Variants in CABCOCO1 observed in about 807,000 individuals in gnomAD.
CABCOCO1 encodes the protein ciliary-associated calcium-binding coiled-coil protein 1.
CABCOCO1 carries 28 observed loss-of-function variants against 35.7 expected under a neutral mutation model. The observed-to-expected ratio is 0.78, with a 90% confidence interval of 0.58 to 1.07. The LOEUF (loss-of-function observed/expected upper bound fraction) is 1.07, where lower values mean the gene tolerates loss of function less well. CABCOCO1 is among the 50% of genes least tolerant of loss of function. CABCOCO1 has a pLI of 0.00. For synonymous variants in CABCOCO1, 95 were observed against 100.1 expected (o/e 0.95, Z 0.30); for missense variants, 326 against 309.2 (o/e 1.05, Z -0.41).
chr10:61,694,709 A>C (rs955288553), intron 5 of CABCOCO1, among the ~76,000 whole-genome samples: 1 of 152,102 alleles, frequency 6.6e-6, no homozygotes, highest in African/African-American at 2.4e-5. Flanking sequence ...AATGCTTTCT[A>C]TCTATGGGCA....
chr10:61,683,587 C>G (rs1839865562), intron 3 of CABCOCO1, among the ~76,000 whole-genome samples: 1 of 152,058 alleles, frequency 6.6e-6, no homozygotes, highest in African/African-American at 2.4e-5. Context: ...AAAAGAGACT[C>G]AGGTCACCTA....
chr10:61,737,430 T>A (rs1260455625), intron 5 of CABCOCO1, among the ~76,000 whole-genome samples: 3 of 152,170 alleles, frequency 2.0e-5, no homozygotes, highest in Admixed American at 2.0e-4. Flanking sequence ...TGGTAACCAT[T>A]TGACCCAGCA....
intron 5 of CABCOCO1, among the ~76,000 whole-genome samples, chr10:61,708,050 G>C (rs7477189): frequency 2.0e-5 from 3 of 151,914 alleles, no homozygotes; most frequent in East Asian, 1.9e-4. Flanking sequence ...TCAACTAACA[G>C]GGCAAAGTAA....
At chr10:61,689,267 G>A (rs947376564) in intron 4 of CABCOCO1, among the ~76,000 whole-genome samples, 13 of 152,234 alleles carry the variant, frequency 8.5e-5, no homozygotes, top group African/African-American at 3.1e-4. Context: ...GGTAACCAGC[G>A]TAAGTTAGGG....
At chr10:61,730,761 C>A (rs1841284272) in intron 5 of CABCOCO1, among the ~76,000 whole-genome samples, 1 of 151,928 alleles carries the variant, frequency 6.6e-6, no homozygotes, top group African/African-American at 2.4e-5. Flanking sequence ...AGTAATAGTG[C>A]AAATTATTAT....
intron 5 of CABCOCO1, among the ~76,000 whole-genome samples, chr10:61,753,526 C>T (rs985059722): frequency 1.3e-5 from 2 of 152,084 alleles, no homozygotes; most frequent in Admixed American, 6.6e-5. Flanking sequence ...TGAAAGTTTG[C>T]CCTGTAAGCC....
chr10:61,690,686 GGAT>G, intron 5 of CABCOCO1, 65 bp downstream of exon 5: 1 of 1,074,554 alleles, frequency 9.3e-7, no homozygotes, highest in Non-Finnish European at 1.4e-6. Flanking sequence ...ATCAGCATCT[GGAT>G]CTTTAACTGC....
intron 5 of CABCOCO1, among the ~76,000 whole-genome samples, chr10:61,712,847 C>G (rs141764085): frequency 0.016 from 2,507 of 152,264 alleles, 54 homozygotes; most frequent in African/African-American, 0.048. Context: ...AGCCTCTGTT[C>G]TGTTCCACTG....
intron 5 of CABCOCO1, among the ~76,000 whole-genome samples, chr10:61,746,236 G>T (rs1165366255): frequency 6.6e-6 from 1 of 152,068 alleles, no homozygotes; most frequent in Non-Finnish European, 1.5e-5. Context: ...GAGAATCATG[G>T]TGCTTTATAG....
chr10:61,757,759 G>C (rs1482570894), intron 5 of CABCOCO1, among the ~76,000 whole-genome samples: 1 of 151,870 alleles, frequency 6.6e-6, no homozygotes, highest in Non-Finnish European at 1.5e-5. Flanking sequence ...TAGTTGGTGA[G>C]TCATTCAGAT....
Position 61,690,556 on chromosome 10 carries a change from C to A in CABCOCO1, c.487C>A (p.Gln163Lys), listed in dbSNP as rs868541157. ...ATTTATTTTATATTTCAGCTTATTT[C>A]AACACTACAAGCTATACGAGTTTAT... ...IIDYLKISLFQHYKLYEFMFY... is the reference protein window; with the variant it reads ...IIDYLKISLFKHYKLYEFMFY... The change falls in exon 5 of 8, where the codon CAA (glutamine) becomes AAA (lysine). Residue 163 changes from glutamine (Q) to lysine (K), a missense_variant. Physicochemically the swap from Gln to Lys is moderately conservative, Grantham distance 53 (BLOSUM62 1). Coordinates refer to ENST00000648843, the MANE Select transcript of CABCOCO1 (RefSeq NM_001366906.2). 6.3e-7 allele frequency: 1 copy of A among 1,598,562 alleles called. No homozygotes were observed. Among genetic ancestry groups the A allele is most frequent in the East Asian group, 2.3e-5 (1 of 44,444 alleles).
At chr10:61,757,578 A>G (rs1841923440) in intron 5 of CABCOCO1, among the ~76,000 whole-genome samples, 1 of 152,178 alleles carries the variant, frequency 6.6e-6, no homozygotes, top group Non-Finnish European at 1.5e-5. Context: ...AAGGCAAAGA[A>G]AAGCTCAACT....
At chr10:61,690,489 A>G in intron 4 of CABCOCO1, 60 bp from the exon 5 acceptor site, 4 of 1,133,358 alleles carry the variant, frequency 3.5e-6, no homozygotes, top group Non-Finnish European at 3.9e-6. Context: ...ATGTCTTTAC[A>G]TATTGTGTTT....
At chr10:61,720,426 G>A (rs1263052628) in intron 5 of CABCOCO1, among the ~76,000 whole-genome samples, 1 of 152,134 alleles carries the variant, frequency 6.6e-6, no homozygotes, top group African/African-American at 2.4e-5. Context: ...ATGTCCAGAT[G>A]ATAGGAAATG....
intron 4 of CABCOCO1, 93 bp downstream of exon 4, chr10:61,686,278 A>G (rs990618669): frequency 2.7e-6 from 3 of 1,102,134 alleles, no homozygotes; most frequent in Middle Eastern, 3.1e-4. Flanking sequence ...TAGCAGATTC[A>G]GATATTTACA....
chr10:61,724,360 A>G (rs567288390), intron 5 of CABCOCO1, among the ~76,000 whole-genome samples: 1 of 152,320 alleles, frequency 6.6e-6, no homozygotes, highest in Non-Finnish European at 1.5e-5. Flanking sequence ...TGGAGAAATA[A>G]ACATGATGTA....
At chr10:61,705,710 T>C (rs917642472) in intron 5 of CABCOCO1, among the ~76,000 whole-genome samples, 4 of 152,202 alleles carry the variant, frequency 2.6e-5, no homozygotes, top group Non-Finnish European at 4.4e-5. Context: ...AGGCATAACA[T>C]GTTAACTAGG....
rs138221401 is a variant in CABCOCO1, at chr10:61,760,884, C to T, written c.697C>T (p.Pro233Ser). ...CTAGAGGTTGGATCAAGAACAAGGC[C>T]CTGAGGAGTCTCAGCCAGAAACTGA... is the stretch of plus-strand genomic sequence containing the variant. Reference protein sequence around the residue: ...EMKRLDQEQGPEESQPETDTS... With the variant: ...EMKRLDQEQGSEESQPETDTS... The change falls in exon 7 of 8, where the codon CCT (proline) becomes TCT (serine). Residue 233 changes from proline to serine, a missense_variant. Coordinates refer to ENST00000648843, the MANE Select transcript of CABCOCO1 (RefSeq NM_001366906.2). The T allele has an allele frequency of 4.6e-5, 74 of 1,612,258 alleles. No individual in the cohort carries two copies. The highest frequency in any genetic ancestry group is 6.1e-5 in the Non-Finnish European group (72 of 1,179,056).
intron 4 of CABCOCO1, among the ~76,000 whole-genome samples, chr10:61,687,750 TATTA>T (rs1840010882): frequency 6.6e-6 from 1 of 152,196 alleles, no homozygotes; most frequent in East Asian, 1.9e-4. Context: ...AAATCCCTAA[TATTA>T]TTACTTCACT....
Sources: gnomAD v4.1 joint callset for allele counts (sites outside exome capture counted in the v4.1 genomes callset) on GRCh38, gnomAD v4.1.1 for gene constraint, MANE v1.5 for transcripts, NCBI Gene and HGNC (gene_info 2026-07-23, HGNC 2026-07-21) for gene names.